The following ME3 variants were observed in gnomAD, a reference collection of about 807,000 sequenced individuals.
The protein encoded by ME3 is malic enzyme 3.
In ME3, 48 loss-of-function variants were observed where a neutral mutation model predicts 68.9. The observed-to-expected ratio is 0.70, with a 90% confidence interval of 0.55 to 0.89. The LOEUF is 0.89. Among genes scored for constraint, ME3 ranks in the 40% least tolerant of loss-of-function variants. ME3 has a pLI of 0.00. For missense variants in ME3, 675 were observed against 797.4 expected, an observed-to-expected ratio of 0.85 and a Z score of 1.85; for synonymous variants, 320 against 318.8, an observed-to-expected ratio of 1.00 and a Z score of -0.04.
chr11:86,467,712 C>CACACACACACACACACACA (rs1471970486), intron 7 of ME3, among the ~76,000 whole-genome samples: 8 of 150,856 alleles, frequency 5.3e-5, no homozygotes, highest in African/African-American at 2.0e-4. Context: ...CACACACACA[C>CACACACACACACACACACA]CCCTTTAAGC....
intron 5 of ME3, among the ~76,000 whole-genome samples, chr11:86,503,925 A>G (rs953965783): frequency 6.6e-6 from 1 of 152,156 alleles, no homozygotes; most frequent in Non-Finnish European, 1.5e-5. Context: ...ACTGTGGGAA[A>G]AAGTCAGAAA....
At chr11:86,572,232 G>A (rs935241323) in intron 2 of ME3, among the ~76,000 whole-genome samples, 6 of 151,966 alleles carry the variant, frequency 3.9e-5, no homozygotes, top group African/African-American at 4.8e-5. Context: ...GGTGTATGAA[G>A]GCTCTTACTT....
intron 2 of ME3, among the ~76,000 whole-genome samples, chr11:86,646,027 G>A (rs997361861): frequency 5.3e-5 from 8 of 152,082 alleles, no homozygotes; most frequent in African/African-American, 1.9e-4. Context: ...AAGAACGAAC[G>A]CTCAAAAACC....
chr11:86,512,559 C>T (rs764844432), intron 4 of ME3, among the ~76,000 whole-genome samples: 2 of 152,128 alleles, frequency 1.3e-5, no homozygotes, highest in African/African-American at 2.4e-5. Flanking sequence ...TTGAATAAAG[C>T]TGGAAGAGAG....
At chr11:86,558,752 T>TAG (rs1193327206) in intron 3 of ME3, among the ~76,000 whole-genome samples, 1 of 152,188 alleles carries the variant, frequency 6.6e-6, no homozygotes, top group Middle Eastern at 3.2e-3. Context: ...AACACTGACA[T>TAG]ACGGCCTACT....
At chr11:86,599,628 C>G (rs904278118) in intron 2 of ME3, among the ~76,000 whole-genome samples, 1 of 152,118 alleles carries the variant, frequency 6.6e-6, no homozygotes, top group Non-Finnish European at 1.5e-5. Context: ...TTGAGAAGAA[C>G]AACTCCAAGA....
intron 2 of ME3, among the ~76,000 whole-genome samples, chr11:86,643,065 A>G (rs756825756): frequency 1.1e-4 from 16 of 152,110 alleles, no homozygotes; most frequent in Non-Finnish European, 1.6e-4. Flanking sequence ...GGAATTCTGA[A>G]AAGAGCCCAG....
intron 2 of ME3, among the ~76,000 whole-genome samples, chr11:86,640,880 C>T (rs556393326): frequency 2.6e-5 from 4 of 152,276 alleles, no homozygotes; most frequent in African/African-American, 7.2e-5. Context: ...CTCAGCCCAG[C>T]TCCCAGGATC....
chr11:86,552,934 G>C (rs1282470208), intron 4 of ME3, among the ~76,000 whole-genome samples: 1 of 152,164 alleles, frequency 6.6e-6, no homozygotes, highest in Non-Finnish European at 1.5e-5. Context: ...GGGAGAGGGA[G>C]AGTATTCACT....
chr11:86,555,204 C>T (rs1324926149), intron 4 of ME3, among the ~76,000 whole-genome samples: 1 of 152,132 alleles, frequency 6.6e-6, no homozygotes, highest in Non-Finnish European at 1.5e-5. Context: ...TGGAGCTGGG[C>T]TGTGACAGGC....
At chr11:86,627,622 A>C (rs1011856510) in intron 2 of ME3, among the ~76,000 whole-genome samples, 6 of 152,212 alleles carry the variant, frequency 3.9e-5, no homozygotes, top group Admixed American at 2.0e-4. Flanking sequence ...CAGTCTTGGC[A>C]GCTTTTCTGC....
chr11:86,485,678 C>G (rs1482307922), intron 7 of ME3, among the ~76,000 whole-genome samples: 6 of 152,170 alleles, frequency 3.9e-5, no homozygotes. Flanking sequence ...ACCACGTCCT[C>G]CCATTCTCTC....
chr11:86,640,163 A>G (rs1488828272), intron 2 of ME3, among the ~76,000 whole-genome samples: 1 of 152,234 alleles, frequency 6.6e-6, no homozygotes, highest in East Asian at 1.9e-4. Flanking sequence ...CAACAAAAAT[A>G]AGACTGCATG....
intron 8 of ME3, among the ~76,000 whole-genome samples, chr11:86,458,454 A>G (rs1421308758): frequency 1.3e-5 from 2 of 152,116 alleles, no homozygotes; most frequent in African/African-American, 4.8e-5. Context: ...CACAATTTGG[A>G]AAGAACCAGA....
chr11:86,607,408 T>C (rs1961842900), intron 2 of ME3, among the ~76,000 whole-genome samples: 1 of 151,136 alleles, frequency 6.6e-6, no homozygotes, highest in Non-Finnish European at 1.5e-5. Context: ...TTTCTTCCTC[T>C]CTGATTCATA....
chr11:86,530,107 T>C lies in ME3; in HGVS notation c.468-21240A>G, dbSNP rs561077025. ...ACATTGTATATCTAGAAAACCCCAT[T>C]GTCTCAGCCCAAAATCTCCTTAAGC... On this transcript the variant is annotated intron_variant, in intron 4 of 14. Coordinates refer to ENST00000543262, the Ensembl canonical transcript of ME3. Among the ~76,000 whole-genome samples the C allele has an allele frequency of 1.2e-4, 19 of 152,296 alleles. No individual in the cohort carries two copies. In the South Asian group the frequency reaches 3.5e-3, roughly 28 times the overall value.
chr11:86,554,967 AG>A (rs1213782471), intron 4 of ME3, among the ~76,000 whole-genome samples: 1 of 152,220 alleles, frequency 6.6e-6, no homozygotes, highest in Non-Finnish European at 1.5e-5. Flanking sequence ...GAGGAGGCCA[AG>A]AAAGGGGTGG....
intron 7 of ME3, among the ~76,000 whole-genome samples, chr11:86,486,224 C>T (rs551630789): frequency 2.0e-5 from 3 of 152,294 alleles, no homozygotes; most frequent in East Asian, 1.9e-4. Flanking sequence ...AGGACTTTTT[C>T]CCCCCATCCT....
intron 7 of ME3, among the ~76,000 whole-genome samples, chr11:86,474,520 A>G (rs113597922): frequency 0.045 from 6,803 of 151,604 alleles, 364 homozygotes; most frequent in African/African-American, 0.13. Context: ...ATGGCAACTC[A>G]CTCCTCAACC....
Sources: gnomAD v4.1 joint callset for allele counts (sites outside exome capture counted in the v4.1 genomes callset) on GRCh38, gnomAD v4.1.1 for gene constraint, MANE v1.5 for transcripts, NCBI Gene and HGNC (gene_info 2026-07-23, HGNC 2026-07-21) for gene names.